The following AASS variants were observed in gnomAD, a reference collection of about 807,000 sequenced individuals.
AASS encodes the protein aminoadipate-semialdehyde synthase, also known as alpha-aminoadipic semialdehyde synthase, mitochondrial.
AASS carries 86 observed loss-of-function variants against 105.4 expected under a neutral mutation model. The observed-to-expected ratio is 0.82, with a 90% confidence interval of 0.69 to 0.98. The LOEUF (loss-of-function observed/expected upper bound fraction) is 0.98. Ranked by LOEUF, AASS falls within the 50% of genes least tolerant of loss-of-function variation. AASS has a pLI of 0.00. For missense variants in AASS, 1,048 were observed against 1,143.2 expected, an observed-to-expected ratio of 0.92 and a Z score of 1.20; for synonymous variants, 381 against 394.8, an observed-to-expected ratio of 0.96 and a Z score of 0.41.
At chr7:122,108,958 T>C (rs1794802876) in intron 11 of AASS, among the ~76,000 whole-genome samples, 1 of 152,028 alleles carries the variant, frequency 6.6e-6, no homozygotes. Context: ...TTTAGTAAAA[T>C]TGCAGAATGC....
At chr7:122,117,876 G>A (rs1040494936) in intron 6 of AASS, among the ~76,000 whole-genome samples, 10 of 151,902 alleles carry the variant, frequency 6.6e-5, no homozygotes, top group African/African-American at 2.2e-4. Flanking sequence ...GGTTGGCCTC[G>A]AACTCCTGAC....
intron 18 of AASS, among the ~76,000 whole-genome samples, chr7:122,088,530 T>C (rs765787309): frequency 5.3e-5 from 8 of 152,118 alleles, no homozygotes; most frequent in African/African-American, 9.7e-5. Flanking sequence ...TATTTCTGGA[T>C]CAGTATTTTG....
At chr7:122,129,624 A>T (rs935598855) in intron 2 of AASS, 87 bp from the exon 3 acceptor site, 2 of 1,213,948 alleles carry the variant, frequency 1.6e-6, no homozygotes, top group Admixed American at 3.5e-5. Flanking sequence ...AAGGCACAAC[A>T]AATCTTTTGA....
intron 11 of AASS, among the ~76,000 whole-genome samples, chr7:122,104,849 A>C (rs920175948): frequency 7.9e-5 from 12 of 152,136 alleles, no homozygotes; most frequent in African/African-American, 2.4e-4. Flanking sequence ...TTTAGTGACG[A>C]ATTCATTTGT....
At chr7:122,087,685 G>A (rs1282158112) in intron 18 of AASS, among the ~76,000 whole-genome samples, 3 of 152,130 alleles carry the variant, frequency 2.0e-5, no homozygotes, top group Non-Finnish European at 1.5e-5. Flanking sequence ...GACACAGCAA[G>A]ACACCATCTC....
chr7:122,085,124 C>G (rs1793560187), intron 19 of AASS, among the ~76,000 whole-genome samples: 2 of 152,094 alleles, frequency 1.3e-5, no homozygotes, highest in Non-Finnish European at 2.9e-5. Flanking sequence ...CACAGTGAGA[C>G]ACACAGAAGA....
chr7:122,086,109 T>C lies in AASS; in HGVS notation c.2087A>G (p.Asn696Ser). 6.2e-7 allele frequency: 1 copy of C among 1,613,568 alleles called. No individual in the cohort carries two copies. The highest frequency in any genetic ancestry group is 8.5e-7 in the Non-Finnish European group (1 of 1,179,810). Reference protein sequence around the residue: ...VTSMDFFPGLNLEGYPNRDST... With the variant: ...VTSMDFFPGLSLEGYPNRDST... Reference sequence around the variant, plus strand: ...GTCTCTGTTAGGATAGCCTTCCAAATTTAATCCTGGAAAAAAATCCATGGA... The same window carrying C: ...GTCTCTGTTAGGATAGCCTTCCAAACTTAATCCTGGAAAAAAATCCATGGA... The change falls in exon 19 of 24, where the codon AAT becomes AGT. Residue 696 changes from asparagine to serine, a missense_variant. By Grantham distance (46) the Asn-to-Ser change is conservative. Coordinates refer to ENST00000417368, the MANE Select transcript of AASS (RefSeq NM_005763.4).
At chr7:122,117,352 T>C (rs1795230430) in intron 6 of AASS, among the ~76,000 whole-genome samples, 2 of 152,202 alleles carry the variant, frequency 1.3e-5, no homozygotes, top group African/African-American at 2.4e-5. Flanking sequence ...TGATATCCTA[T>C]TTGTAAAATA....
intron 18 of AASS, among the ~76,000 whole-genome samples, chr7:122,088,856 C>A (rs1179168156): frequency 6.6e-6 from 1 of 151,998 alleles, no homozygotes; most frequent in Non-Finnish European, 1.5e-5. Context: ...AAGTACACCA[C>A]CACTGTGAGG....
chr7:122,133,479 T>C, intron 2 of AASS, 38 bp downstream of exon 2: 3 of 1,602,982 alleles, frequency 1.9e-6, no homozygotes, highest in Non-Finnish European at 2.6e-6. Context: ...ATATGCAGGT[T>C]CATTTTATTC....
At chr7:122,078,130 C>T in intron 22 of AASS, 116 bp from the exon 23 acceptor site, 1 of 973,474 alleles carries the variant, frequency 1.0e-6, no homozygotes, top group South Asian at 1.3e-5. Context: ...TATATGATCA[C>T]TAGACAATTA....
intron 22 of AASS, 152 bp from the exon 23 acceptor site, chr7:122,078,166 C>T: frequency 1.3e-6 from 1 of 753,196 alleles, no homozygotes; most frequent in Non-Finnish European, 2.2e-6. Flanking sequence ...AGCCCAAAGT[C>T]AAAGTGAAAA....
At chr7:122,140,793 A>G (rs1360355422) in intron 1 of AASS, among the ~76,000 whole-genome samples, 1 of 152,052 alleles carries the variant, frequency 6.6e-6, no homozygotes, top group Non-Finnish European at 1.5e-5. Context: ...AGAGACTAAG[A>G]ATGAGGTAAT....
chr7:122,079,333 G>T, intron 21 of AASS: 1 of 1,364,714 alleles, frequency 7.3e-7, no homozygotes, highest in South Asian at 1.5e-5. Flanking sequence ...ATCTCCTACA[G>T]GAAAGCAAAA....
chr7:122,098,933 A>G, intron 13 of AASS, 67 bp from the exon 14 acceptor site: 1 of 1,447,676 alleles, frequency 6.9e-7, no homozygotes, highest in Non-Finnish European at 9.2e-7. Flanking sequence ...TTTAAATAAC[A>G]GAATCTTGCA....
intron 1 of AASS, among the ~76,000 whole-genome samples, chr7:122,135,187 C>T (rs1796086964): frequency 1.3e-5 from 2 of 151,118 alleles, no homozygotes; most frequent in Non-Finnish European, 2.9e-5. Flanking sequence ...GACGAGTTAA[C>T]GGGTGCAGCA....
rs750859178 is a variant in AASS, at chr7:122,078,947, C to A, written c.2400G>T (p.Leu800Phe). Reference protein sequence around the residue: ...DNTQLEAAEWLGLLGDEQVPQ... With the variant: ...DNTQLEAAEWFGLLGDEQVPQ... ...GAACTTGTTCATCCCCAAGTAAGCC[C>A]AACCTGAAAAGCACAGGAGATGGCT... Residue 800 changes from leucine (L) to phenylalanine (F), a missense_variant, in exon 22 of 24, where the codon TTG becomes TTT. Leu to Phe is a conservative substitution (Grantham distance 22). Transcript: ENST00000417368. 6.2e-7 allele frequency: 1 copy of A among 1,614,110 alleles called. No homozygotes were observed. The highest frequency in any genetic ancestry group is 8.5e-7 in the Non-Finnish European group (1 of 1,179,996).
At chr7:122,094,574 T>C (rs1178968526) in intron 15 of AASS, among the ~76,000 whole-genome samples, 3 of 152,306 alleles carry the variant, frequency 2.0e-5, no homozygotes, top group Non-Finnish European at 4.4e-5. Flanking sequence ...TGTCATGTAA[T>C]TGACAGGGTA....
chr7:122,140,730 T>C (rs1227575582), intron 1 of AASS, among the ~76,000 whole-genome samples: 2 of 151,938 alleles, frequency 1.3e-5, no homozygotes, highest in African/African-American at 4.8e-5. Context: ...ACGGGGGATT[T>C]CTGAATGACA....
Sources: gnomAD v4.1 joint callset for allele counts (sites outside exome capture counted in the v4.1 genomes callset) on GRCh38, gnomAD v4.1.1 for gene constraint, MANE v1.5 for transcripts, NCBI Gene and HGNC (gene_info 2026-07-23, HGNC 2026-07-21) for gene names.